The following DNAH17 variants were observed in gnomAD, a reference collection of about 807,000 sequenced individuals.
DNAH17 encodes axonemal beta dynein heavy chain 17.
DNAH17 carries 376 observed loss-of-function variants against 485.6 expected under a neutral mutation model. The observed-to-expected ratio is 0.77, with a 90% CI of 0.71 to 0.84. DNAH17 has a LOEUF of 0.84. DNAH17 is among the 40% of genes least tolerant of loss of function. The probability of loss-of-function intolerance (pLI) is 0.00; values close to 1 mark genes in which losing one functional copy is unlikely to be tolerated. For synonymous variants in DNAH17, 3,031 were observed against 2,405.9 expected (o/e 1.26, Z -7.60); for missense variants, 6,370 against 5,839.3 (o/e 1.09, Z -2.96).
At position 78,452,076 on chromosome 17, in the gene DNAH17, G is replaced by A. The variant is rs112892109; in HGVS notation, c.10530-403C>T. Among the ~76,000 whole-genome samples, 1,283 of 147,326 alleles carry A rather than the reference G, an allele frequency of 8.7e-3. 22 individuals are homozygous for A. Among genetic ancestry groups the A allele is most frequent in the African/African-American group, 0.031 (1,220 of 39,784 alleles). ...TCCACTGTGGGGGGCGCTTCTCTCC[G>A]GCTCTACACCCTGCTGTCCCCTCTT... On this transcript the variant is annotated intron_variant, in intron 65 of 80. Coordinates refer to ENST00000389840, the MANE Select transcript of DNAH17 (RefSeq NM_173628.4).
chr17:78,494,228 T>TTG lies in DNAH17; in HGVS notation c.6271-56_6271-55insCA. ...GAACTGAAGCAGCTTTTCTTTCTTC[T>TTG]CGCTGGGAGGCTGGGGGGCTTCCTG... On this transcript the variant is annotated intron_variant, in intron 40 of 80. Coordinates refer to ENST00000389840, the MANE Select transcript of DNAH17 (RefSeq NM_173628.4). 7 of 1,572,598 alleles carry TTG rather than the reference T, an allele frequency of 4.5e-6. No individual in the cohort carries two copies. In the South Asian group the frequency reaches 7.9e-5, roughly 18 times the overall value.
At chr17:78,473,411 G>A (rs954459032) in intron 54 of DNAH17, among the ~76,000 whole-genome samples, 2 of 152,118 alleles carry the variant, frequency 1.3e-5, no homozygotes, top group African/African-American at 2.4e-5. Context: ...GGGCGTGGTG[G>A]CGGGCGCGTG....
At chr17:78,535,989 A>G (rs2091363261) in intron 19 of DNAH17, among the ~76,000 whole-genome samples, 1 of 151,866 alleles carries the variant, frequency 6.6e-6, no homozygotes, top group Non-Finnish European at 1.5e-5. Context: ...TTAAGCGGGG[A>G]GCTGAATTTC....
At position 78,575,254 on chromosome 17, in the gene DNAH17, T is replaced by C. The variant is rs550594757; in HGVS notation, c.-25-172A>G. 6.0e-3 allele frequency among the ~76,000 whole-genome samples: 912 copies of C among 152,288 alleles called. 5 individuals carry two copies. Among genetic ancestry groups the C allele is most frequent in the African/African-American group, 0.021 (862 of 41,556 alleles). ...GTTGGGGTGGGGGTGCTTTAGCAGG[T>C]GCTGGCACCTGCCCCGGCCCCGCCA... On this transcript the variant is annotated intron_variant, in intron 1 of 80. Transcript: ENST00000389840.
intron 24 of DNAH17, among the ~76,000 whole-genome samples, chr17:78,525,658 TG>T (rs1296564157): frequency 6.6e-6 from 1 of 152,190 alleles, no homozygotes; most frequent in Non-Finnish European, 1.5e-5. Flanking sequence ...GTGGCAAAGG[TG>T]GGCTCGGAGC....
At chr17:78,466,875 C>G (rs2088492934) in intron 55 of DNAH17, 59 bp from the exon 56 acceptor site, 1 of 1,444,308 alleles carries the variant, frequency 6.9e-7, no homozygotes. Context: ...GGGCCTAATC[C>G]ATCACTCTGC....
intron 76 of DNAH17, 119 bp downstream of exon 76, chr17:78,429,002 C>T: frequency 9.3e-7 from 1 of 1,070,964 alleles, no homozygotes; most frequent in Non-Finnish European, 1.4e-6. Flanking sequence ...CTCATCCTCT[C>T]TTATTTTGGC....
chr17:78,554,526 A>G (rs537706048), intron 14 of DNAH17, among the ~76,000 whole-genome samples: 1 of 149,124 alleles, frequency 6.7e-6, no homozygotes, highest in African/African-American at 2.5e-5. Flanking sequence ...AAATTAATTT[A>G]ATGCTTGAAA....
chr17:78,479,400 T>C (rs2089249406), intron 50 of DNAH17, 85 bp downstream of exon 50: 3 of 1,414,088 alleles, frequency 2.1e-6, no homozygotes, highest in Non-Finnish European at 2.8e-6. Context: ...AATAAAATAT[T>C]TATCAAGGGA....
In DNAH17 at chr17:78,477,869, C is replaced by T. The variant is rs1056264746; in HGVS notation, c.7993-1136G>A. ...AGTAAATGAGAGGAAATATTATTAC[C>T]ATCACCACCACCATCGCTATCATCA... On this transcript the variant is annotated intron_variant, in intron 51 of 80. Coordinates refer to ENST00000389840, the MANE Select transcript of DNAH17 (RefSeq NM_173628.4). Among the ~76,000 whole-genome samples, 3 of 151,996 alleles carry T rather than the reference C, an allele frequency of 2.0e-5. No homozygotes were observed. The South Asian group carries it at 6.2e-4, about 31-fold the overall frequency.
chr17:78,549,924 AGAG>A (rs1403510020), intron 16 of DNAH17, among the ~76,000 whole-genome samples: 4 of 152,216 alleles, frequency 2.6e-5, no homozygotes, highest in African/African-American at 9.7e-5. Context: ...ACAGTTCAGT[AGAG>A]GAGAGAGAGA....
intron 25 of DNAH17, among the ~76,000 whole-genome samples, chr17:78,521,243 T>C (rs1258698714): frequency 2.0e-5 from 3 of 152,072 alleles, no homozygotes; most frequent in Admixed American, 1.3e-4. Flanking sequence ...CCATCTCTAC[T>C]GAAAATACAA....
At chr17:78,432,904 C>G (rs1031430986) in intron 75 of DNAH17, among the ~76,000 whole-genome samples, 1 of 112,938 alleles carries the variant, frequency 8.9e-6, no homozygotes, top group African/African-American at 3.5e-5. Flanking sequence ...TCAAACGTGC[C>G]CCCCCCCCCC....
At chr17:78,568,783 G>A (rs1011521806) in intron 9 of DNAH17, among the ~76,000 whole-genome samples, 5 of 152,282 alleles carry the variant, frequency 3.3e-5, no homozygotes, top group East Asian at 1.9e-4. Context: ...TCTGCTGTGC[G>A]TCACTCCGTG....
In DNAH17 at chr17:78,529,608, T is replaced by C; in HGVS notation, c.3371A>G (p.Glu1124Gly). 6.2e-7 allele frequency: 1 copy of C among 1,613,834 alleles called. No homozygotes were observed. ...LKEGDYDGLVEVMGHLMKVKE... is the reference protein window; with the variant it reads ...LKEGDYDGLVGVMGHLMKVKE... ...GACTTTCATCAGGTGCCCCATCACC[T>C]CCACAAGCCCATCATAGTCCCCCTC... The change falls in exon 22 of 81, where the codon GAG (glutamate) becomes GGG (glycine). Residue 1124 changes from glutamate to glycine, a missense_variant. Transcript: ENST00000389840.
intron 65 of DNAH17, among the ~76,000 whole-genome samples, chr17:78,452,693 G>A (rs145305739): frequency 2.8e-4 from 43 of 152,280 alleles, no homozygotes; most frequent in African/African-American, 9.6e-4. Flanking sequence ...AGCAGAGATC[G>A]TACCACTGGA....
At chr17:78,529,440 C>A (rs747520357) in intron 22 of DNAH17, 32 bp downstream of exon 22, 13 of 1,610,100 alleles carry the variant, frequency 8.1e-6, no homozygotes, top group Middle Eastern at 1.7e-4. Flanking sequence ...TCCCTGCTCA[C>A]CTGGACGCAG....
At position 78,507,777 on chromosome 17, in the gene DNAH17, C is replaced by T. The variant is rs539138968; in HGVS notation, c.4265G>A (p.Ser1422Asn). The change falls in exon 28 of 81, where the codon AGC becomes AAC. Residue 1422 changes from serine (S) to asparagine (N), a missense_variant. Ser to Asn is a conservative substitution (Grantham distance 46, BLOSUM62 1). Transcript: ENST00000389840. ...CGGCTCGTGCTGGAATTCCATCATG[C>T]TCCAGGTACTGTCCAGGGCTTTCAG... ...KVLKALDSTWSMMEFQHEPHP... is the reference protein window; with the variant it reads ...KVLKALDSTWNMMEFQHEPHP... 2.5e-6 allele frequency: 4 copies of T among 1,582,648 alleles called. No homozygotes were observed. The African/African-American group carries it at 5.4e-5, about 21-fold the overall frequency.
At chr17:78,563,457 T>A (rs2092201506) in intron 11 of DNAH17, among the ~76,000 whole-genome samples, 1 of 151,932 alleles carries the variant, frequency 6.6e-6, no homozygotes, top group Admixed American at 6.6e-5. Flanking sequence ...GGGTAGATGT[T>A]TTACTTGGAA....
Sources: allele counts gnomAD v4.1 joint callset (sites outside exome capture counted in the v4.1 genomes callset), GRCh38; gene constraint gnomAD v4.1.1; transcripts MANE v1.5; gene names NCBI Gene and HGNC (gene_info 2026-07-23, HGNC 2026-07-21).